Variants in DCC observed in about 807,000 individuals in gnomAD.
DCC encodes DCC netrin 1 receptor.
Under a neutral mutation model 172.5 loss-of-function variants are expected in DCC, and 58 were observed. The ratio of observed to expected loss-of-function variants is 0.34; its 90% CI spans 0.27 to 0.42. The LOEUF (loss-of-function observed/expected upper bound fraction) is 0.42, where lower values mean the gene tolerates loss of function less well. Ranked by LOEUF, DCC falls within the 10% of genes least tolerant of loss-of-function variation. The probability of loss-of-function intolerance (pLI) is 1.00; values close to 1 mark genes in which losing one functional copy is unlikely to be tolerated. For synonymous variants in DCC, 709 were observed against 644.5 expected (o/e 1.10, Z -1.52); for missense variants, 1,740 against 1,791.0 (o/e 0.97, Z 0.51).
chr18:53,445,493 C>T (rs1167756807), intron 22 of DCC, among the ~76,000 whole-genome samples: 1 of 152,168 alleles, frequency 6.6e-6, no homozygotes, highest in Admixed American at 6.5e-5. Context: ...ACCAGGTCCT[C>T]AAAGTAGGAG....
intron 5 of DCC, among the ~76,000 whole-genome samples, chr18:52,955,447 C>T (rs1365345457): frequency 1.3e-5 from 2 of 151,816 alleles, no homozygotes; most frequent in African/African-American, 4.8e-5. Context: ...ATTCATTTAC[C>T]TATCGAGGGG....
intron 1 of DCC, among the ~76,000 whole-genome samples, chr18:52,543,772 A>G (rs1417861942): frequency 6.6e-6 from 1 of 152,176 alleles, no homozygotes; most frequent in Non-Finnish European, 1.5e-5. Flanking sequence ...AAACTTAAAT[A>G]GAGAGCAGAG....
At chr18:52,734,669 A>G (rs996423623) in intron 1 of DCC, among the ~76,000 whole-genome samples, 3 of 152,286 alleles carry the variant, frequency 2.0e-5, no homozygotes, top group Admixed American at 6.5e-5. Flanking sequence ...TAATTACTCA[A>G]GGAAGTAAAA....
chr18:53,388,371 C>G (rs1468100965), intron 16 of DCC, among the ~76,000 whole-genome samples: 1 of 152,230 alleles, frequency 6.6e-6, no homozygotes, highest in Non-Finnish European at 1.5e-5. Flanking sequence ...TCCTCTATCT[C>G]TAAGCTTCTG....
At chr18:52,491,326 A>G (rs2030488164) in intron 1 of DCC, among the ~76,000 whole-genome samples, 1 of 152,046 alleles carries the variant, frequency 6.6e-6, no homozygotes, top group Non-Finnish European at 1.5e-5. Flanking sequence ...TCAAACATGC[A>G]AACAAACACA....
chr18:52,864,248 G>T (rs2039186794), intron 2 of DCC, among the ~76,000 whole-genome samples: 1 of 152,136 alleles, frequency 6.6e-6, no homozygotes, highest in Non-Finnish European at 1.5e-5. Context: ...AGAGAAAACA[G>T]GGTAGCAAAT....
intron 2 of DCC, among the ~76,000 whole-genome samples, chr18:52,890,475 G>C (rs2039632243): frequency 1.3e-5 from 2 of 152,034 alleles, no homozygotes; most frequent in African/African-American, 2.4e-5. Context: ...AGCTCACTAT[G>C]GTACATATCA....
chr18:53,467,071 C>T (rs1418383947), intron 24 of DCC, among the ~76,000 whole-genome samples: 1 of 152,034 alleles, frequency 6.6e-6, no homozygotes, highest in Non-Finnish European at 1.5e-5. Flanking sequence ...ATATGTTTGC[C>T]TCTTGCCTAT....
At chr18:53,474,542 C>T (rs2045738455) in intron 25 of DCC, among the ~76,000 whole-genome samples, 1 of 152,246 alleles carries the variant, frequency 6.6e-6, no homozygotes, top group East Asian at 1.9e-4. Context: ...TAATAAGTCT[C>T]ACAAGATTTG....
intron 5 of DCC, among the ~76,000 whole-genome samples, chr18:52,996,976 G>GAT (rs1178609727): frequency 6.6e-6 from 1 of 151,840 alleles, no homozygotes; most frequent in African/African-American, 2.4e-5. Flanking sequence ...TTTATCTCTT[G>GAT]ATACAAGTCT....
At chr18:52,621,147 A>G (rs2034471801) in intron 1 of DCC, among the ~76,000 whole-genome samples, 1 of 152,162 alleles carries the variant, frequency 6.6e-6, no homozygotes, top group Non-Finnish European at 1.5e-5. Flanking sequence ...AACATTAACT[A>G]CCACTGCTTT....
At chr18:53,429,265 T>C (rs112037073) in intron 21 of DCC, among the ~76,000 whole-genome samples, 17 of 147,214 alleles carry the variant, frequency 1.2e-4, no homozygotes, top group African/African-American at 4.0e-4. Context: ...TAGAAGATGG[T>C]CTCTGCAAGA....
At chr18:52,937,827 A>G (rs970635528) in intron 5 of DCC, among the ~76,000 whole-genome samples, 23 of 142,322 alleles carry the variant, frequency 1.6e-4, no homozygotes, top group African/African-American at 4.3e-4. Flanking sequence ...TCCTTCTGCC[A>G]CTTGTGACTT....
At chr18:52,348,456 C>T (rs1468784850) in intron 1 of DCC, among the ~76,000 whole-genome samples, 4 of 152,180 alleles carry the variant, frequency 2.6e-5, no homozygotes, top group Non-Finnish European at 5.9e-5. Context: ...CATGCCTCTG[C>T]CAACACTTGG....
intron 13 of DCC, among the ~76,000 whole-genome samples, chr18:53,307,812 A>G (rs2057217168): frequency 6.7e-6 from 1 of 148,696 alleles, no homozygotes; most frequent in Non-Finnish European, 1.5e-5. Context: ...CCATTCTGGA[A>G]AGCATATGAG....
chr18:52,501,177 A>T (rs1246360945), intron 1 of DCC, among the ~76,000 whole-genome samples: 1 of 152,174 alleles, frequency 6.6e-6, no homozygotes. Flanking sequence ...CTGTACAGCC[A>T]AGTGCATGGC....
intron 1 of DCC, among the ~76,000 whole-genome samples, chr18:52,426,567 C>G (rs1431881856): frequency 6.6e-6 from 1 of 151,950 alleles, no homozygotes; most frequent in African/African-American, 2.4e-5. Context: ...ATCACCCCAG[C>G]AACCACCGAC....
At chr18:52,578,769 G>A (rs2033475960) in intron 1 of DCC, among the ~76,000 whole-genome samples, 1 of 152,172 alleles carries the variant, frequency 6.6e-6, no homozygotes, top group Admixed American at 6.5e-5. Flanking sequence ...GGGAGACCGA[G>A]GTGGGTGGAT....
chr18:52,743,712 T>G (rs2036861694), intron 1 of DCC, among the ~76,000 whole-genome samples: 1 of 152,204 alleles, frequency 6.6e-6, no homozygotes, highest in Non-Finnish European at 1.5e-5. Context: ...TGCCATGTGC[T>G]CGGAATGTCG....
Sources: allele counts gnomAD v4.1 joint callset (sites outside exome capture counted in the v4.1 genomes callset), GRCh38; gene constraint gnomAD v4.1.1; transcripts MANE v1.5; gene names NCBI Gene and HGNC (gene_info 2026-07-23, HGNC 2026-07-21).